The following SYNE1 variants were observed in gnomAD, a reference collection of about 807,000 sequenced individuals.
SYNE1 encodes the protein spectrin repeat containing nuclear envelope protein 1, also known as nesprin-1.
Under a neutral mutation model 1,111.0 loss-of-function variants are expected in SYNE1, and 616 were observed. That is an observed-to-expected ratio of 0.55 (90% CI 0.52 to 0.59). SYNE1 has a LOEUF of 0.59. Ranked by LOEUF, SYNE1 falls within the 20% of genes least tolerant of loss-of-function variation. The probability of loss-of-function intolerance (pLI) is 0.00; values close to 1 mark genes in which losing one functional copy is unlikely to be tolerated. For missense variants in SYNE1, 10,006 were observed against 10,417.0 expected, an observed-to-expected ratio of 0.96 and a Z score of 1.72; for synonymous variants, 3,855 against 3,825.8, an observed-to-expected ratio of 1.01 and a Z score of -0.28.
chr6:152,343,318 C>T (rs1303222061), intron 74 of SYNE1, among the ~76,000 whole-genome samples: 1 of 151,144 alleles, frequency 6.6e-6, no homozygotes, highest in African/African-American at 2.4e-5. Context: ...GCCACCATGC[C>T]CAGCTAATTT....
At chr6:152,576,335 A>T (rs145095621) in intron 3 of SYNE1, among the ~76,000 whole-genome samples, 1 of 152,216 alleles carries the variant, frequency 6.6e-6, no homozygotes, top group Non-Finnish European at 1.5e-5. Flanking sequence ...TTTGAGTCCT[A>T]CTATGCAGTT....
chr6:152,145,223 G>A, intron 137 of SYNE1: 1 of 496,156 alleles, frequency 2.0e-6, no homozygotes, highest in Non-Finnish European at 3.7e-6. Context: ...ATTTTCTGCA[G>A]TTAATGGACA....
intron 129 of SYNE1, among the ~76,000 whole-genome samples, chr6:152,176,820 A>G (rs1470092275): frequency 1.3e-5 from 2 of 152,180 alleles, no homozygotes; most frequent in African/African-American, 4.8e-5. Flanking sequence ...CTTGAAATAC[A>G]TATTAAAAAA....
At chr6:152,354,552 T>A in intron 67 of SYNE1, 107 bp downstream of exon 67, 1 of 1,336,294 alleles carries the variant, frequency 7.5e-7, no homozygotes, top group Non-Finnish European at 1.1e-6. Flanking sequence ...TCAAAAAGAT[T>A]TTGCAAAGCC....
chr6:152,336,690 TG>T, intron 76 of SYNE1, 150 bp downstream of exon 76: 1 of 1,006,412 alleles, frequency 9.9e-7, no homozygotes, highest in Non-Finnish European at 1.5e-6. Flanking sequence ...GTCCATAACC[TG>T]GGGCTTGGGG....
At chr6:152,619,613 C>T (rs1332608944) in intron 3 of SYNE1, among the ~76,000 whole-genome samples, 7 of 152,056 alleles carry the variant, frequency 4.6e-5, no homozygotes, top group African/African-American at 1.7e-4. Flanking sequence ...AAAACACAAG[C>T]AGGAATAATA....
intron 3 of SYNE1, among the ~76,000 whole-genome samples, chr6:152,598,205 G>A (rs900147420): frequency 2.0e-5 from 3 of 151,956 alleles, no homozygotes; most frequent in East Asian, 1.9e-4. Flanking sequence ...TCATGGGGTC[G>A]GGCCTTTCCT....
Position 152,143,051 on chromosome 6 carries a change from T to C in SYNE1, c.25119+572A>G, listed in dbSNP as rs536880647. ...AACTCGAGTAGGGCAAATAACCCTCTGCTAGACTTTATCATACATAGCCAA... is the reference window on the plus strand; with the variant it reads ...AACTCGAGTAGGGCAAATAACCCTCCGCTAGACTTTATCATACATAGCCAA... On this transcript the variant is annotated intron_variant, in intron 138 of 145. Coordinates refer to ENST00000367255, the MANE Select transcript of SYNE1 (RefSeq NM_182961.4). 2.6e-5 allele frequency among the ~76,000 whole-genome samples: 4 copies of C among 152,334 alleles called. No individual in the cohort carries two copies. The South Asian group carries it at 8.3e-4, about 32-fold the overall frequency.
intron 131 of SYNE1, among the ~76,000 whole-genome samples, chr6:152,161,732 A>G (rs527859649): frequency 6.6e-6 from 1 of 152,286 alleles, no homozygotes; most frequent in African/African-American, 2.4e-5. Flanking sequence ...GTATGCACCT[A>G]AAGTATGTCA....
rs182569960 is a variant in SYNE1, at chr6:152,578,771, T to A, written c.68-38750A>T. Among the ~76,000 whole-genome samples the A allele has an allele frequency of 3.9e-3, 589 of 152,352 alleles. 2 individuals are homozygous for A. Among genetic ancestry groups the A allele is most frequent in the Non-Finnish European group, 7.3e-3 (498 of 68,036 alleles). ...TTAAGAATTTGACCTCTAATTACTA[T>A]GCATACATCTATTTTATGAATTTAT... On this transcript the variant is annotated intron_variant, in intron 3 of 145. Coordinates refer to ENST00000367255, the MANE Select transcript of SYNE1 (RefSeq NM_182961.4).
intron 3 of SYNE1, among the ~76,000 whole-genome samples, chr6:152,621,906 G>A (rs948671669): frequency 2.0e-5 from 3 of 152,058 alleles, no homozygotes; most frequent in African/African-American, 7.2e-5. Flanking sequence ...AAAACCACTC[G>A]ATTAAAACAA....
intron 101 of SYNE1, among the ~76,000 whole-genome samples, chr6:152,259,786 C>G (rs1224964716): frequency 6.6e-6 from 1 of 152,024 alleles, no homozygotes; most frequent in African/African-American, 2.4e-5. Flanking sequence ...CTTTTCACAC[C>G]ACAGAGAGGA....
intron 3 of SYNE1, among the ~76,000 whole-genome samples, chr6:152,592,628 A>T (rs902019081): frequency 2.0e-5 from 3 of 152,212 alleles, no homozygotes; most frequent in African/African-American, 7.2e-5. Context: ...TGCCAGGGTG[A>T]TGGGATCTGT....
rs143467834 is a variant in SYNE1, at chr6:152,416,724, T to C, written c.5713A>G (p.Ile1905Val). 39 of 1,614,224 alleles carry C rather than the reference T, an allele frequency of 2.4e-5. No homozygotes were observed. The African/African-American group carries it at 5.1e-4, about 21-fold the overall frequency. The change falls in exon 41 of 146, where the codon ATA (isoleucine) becomes GTA (valine). Residue 1905 changes from isoleucine (I) to valine (V), a missense_variant. This residue lies in a region of SYNE1 where 4,955 missense variants were observed against 5,017.2 expected (regional missense o/e 0.99). Transcript: ENST00000367255. ...NSMNKNESDL[I>V]EKDLNDALQN... ...AGAGCATCATTGAGGTCCTTTTCTA[T>C]CAAATCAGACTCGTTCTTATTCATA...
At chr6:152,123,309 T>C (rs2052093833) in intron 145 of SYNE1, among the ~76,000 whole-genome samples, 2 of 152,236 alleles carry the variant, frequency 1.3e-5, no homozygotes, top group Admixed American at 1.3e-4. Flanking sequence ...CAGTGGAGTC[T>C]GTCTACAGAA....
At chr6:152,195,900 G>T (rs1330102719) in intron 127 of SYNE1, among the ~76,000 whole-genome samples, 1 of 152,074 alleles carries the variant, frequency 6.6e-6, no homozygotes, top group Non-Finnish European at 1.5e-5. Context: ...GGCCCCAGGT[G>T]GTCGAGAGAT....
In SYNE1 at chr6:152,398,645, G is replaced by T. The variant is rs747633088; in HGVS notation, c.7324C>A (p.Leu2442Ile). 20 of 1,613,806 alleles carry T rather than the reference G, an allele frequency of 1.2e-5. No individual in the cohort carries two copies. In the Admixed American group the frequency reaches 2.3e-4, roughly 19 times the overall value. Reference sequence around the variant, plus strand: ...TGAAGATCATGGAGCTTTGCTTCTAGAACTTTGCTGTCACCGGTGCGATCT... The same window carrying T: ...TGAAGATCATGGAGCTTTGCTTCTATAACTTTGCTGTCACCGGTGCGATCT... ...SSDRTGDSKV[L>I]EAKLHDLQNI... Residue 2442 changes from leucine to isoleucine, a missense_variant, in exon 49 of 146, where the codon CTA becomes ATA. This residue lies in a region of SYNE1 where 4,955 missense variants were observed against 5,017.2 expected (regional missense o/e 0.99). Transcript: ENST00000367255.
chr6:152,213,903 TAAAA>T lies in SYNE1; in HGVS notation c.22347-148_22347-145del, dbSNP rs34419015. 506,908 of 1,239,852 alleles carry T rather than the reference TAAAA, an allele frequency of 0.41. 108,488 individuals are homozygous for T. The highest frequency in any genetic ancestry group is 0.43 in the Non-Finnish European group (388,089 of 893,050). The allele number at this position is 1,239,852 out of a possible 1,614,324, so 76.8% of individuals were successfully genotyped here. On this transcript the variant is annotated intron_variant, in intron 122 of 145. Transcript: ENST00000367255. ...TTCATGTCAGGTGGTAAAATTATTTTAAAAAAGAAGAAAGAGGCCAGTTGCAGTG... is the reference window on the plus strand; with the variant it reads ...TTCATGTCAGGTGGTAAAATTATTTTAAGAAGAAAGAGGCCAGTTGCAGTG...
At chr6:152,299,596 G>C (rs966386302) in intron 93 of SYNE1, among the ~76,000 whole-genome samples, 1 of 152,082 alleles carries the variant, frequency 6.6e-6, no homozygotes, top group Admixed American at 6.6e-5. Flanking sequence ...TTGACAAATG[G>C]ATGAGTTGAT....
Sources: allele counts gnomAD v4.1 joint callset (sites outside exome capture counted in the v4.1 genomes callset), GRCh38; gene constraint gnomAD v4.1.1; regional missense constraint gnomAD v4.1.1; transcripts MANE v1.5; gene names NCBI Gene and HGNC (gene_info 2026-07-23, HGNC 2026-07-21).